The following TENM3 variants were observed in gnomAD, a reference collection of about 807,000 sequenced individuals.
TENM3 encodes teneurin transmembrane protein 3, also known as teneurin-3.
TENM3 carries 63 observed loss-of-function variants against 255.1 expected under a neutral mutation model. That is an observed-to-expected ratio of 0.25 (90% CI 0.20 to 0.30). The LOEUF is 0.30. Ranked by LOEUF, TENM3 falls within the 10% of genes least tolerant of loss-of-function variation. The pLI is 1.00. For missense variants in TENM3, 2,929 were observed against 3,461.1 expected (o/e 0.85, Z 3.86); for synonymous variants, 1,306 against 1,322.3 (o/e 0.99, Z 0.27).
the TENM3 span, among the ~76,000 whole-genome samples, chr4:181,482,555 T>C: frequency 1.1e-3 from 168 of 152,302 alleles, 1 homozygote; most frequent in African/African-American, 3.9e-3. Context: ...TCCCTAACTG[T>C]AAGGTATTGA....
the TENM3 span, chr4:181,877,183 AG>A: frequency 6.6e-6 from 1 of 152,122 alleles, no homozygotes; most frequent in South Asian, 2.1e-4. Flanking sequence ...TAGAGTTTAG[AG>A]GGGGTAAACA....
chr4:181,836,183 GCA>G, the TENM3 span, among the ~76,000 whole-genome samples: 35 of 148,940 alleles, frequency 2.3e-4, no homozygotes, highest in African/African-American at 6.7e-4. Context: ...ATACACACAT[GCA>G]CACACACACA....
At chr4:182,540,751 A>G (rs768961981) in intron 3 of TENM3, among the ~76,000 whole-genome samples, 2 of 152,188 alleles carry the variant, frequency 1.3e-5, no homozygotes, top group South Asian at 2.1e-4. Context: ...AAAAAAATAG[A>G]TGCATATACA....
the TENM3 span, among the ~76,000 whole-genome samples, chr4:181,913,856 C>A: frequency 1.3e-5 from 2 of 152,164 alleles, no homozygotes; most frequent in African/African-American, 4.8e-5. Flanking sequence ...ACAGGCTAAA[C>A]TTTGAAGAGG....
At chr4:181,921,185 T>A in the TENM3 span, among the ~76,000 whole-genome samples, 11 of 152,164 alleles carry the variant, frequency 7.2e-5, no homozygotes, top group African/African-American at 2.7e-4. Context: ...CCAGCTTTGT[T>A]CTTTTGGCTT....
At chr4:181,719,215 A>AAAATAAATAAATAAAT in the TENM3 span, among the ~76,000 whole-genome samples, 3,531 of 149,966 alleles carry the variant, frequency 0.024, 73 homozygotes, top group Middle Eastern at 0.11. Context: ...TCCGTCTCAA[A>AAAATAAATAAATAAAT]AAATAAATAA....
At chr4:182,688,538 G>A (rs1756771482) in intron 12 of TENM3, among the ~76,000 whole-genome samples, 187 bp downstream of exon 12, 1 of 152,138 alleles carries the variant, frequency 6.6e-6, no homozygotes, top group Non-Finnish European at 1.5e-5. Flanking sequence ...TAGAACAGCT[G>A]TCACAAGTAT....
the TENM3 span, among the ~76,000 whole-genome samples, chr4:181,596,618 A>T: frequency 3.9e-5 from 6 of 152,184 alleles, no homozygotes; most frequent in East Asian, 1.9e-4. Context: ...AGAACTATTT[A>T]AAAAAAATAA....
intron 1 of TENM3, among the ~76,000 whole-genome samples, chr4:182,225,316 A>G (rs575297838): frequency 1.3e-5 from 2 of 152,288 alleles, no homozygotes; most frequent in Non-Finnish European, 2.9e-5. Context: ...TCATCTAAAC[A>G]TGGAAAATAT....
chr4:182,497,229 TA>T (rs1182232702), intron 3 of TENM3, among the ~76,000 whole-genome samples: 2 of 152,038 alleles, frequency 1.3e-5, no homozygotes, highest in African/African-American at 4.8e-5. Flanking sequence ...ATTTTTTTTT[TA>T]TTTTAGTAGA....
chr4:182,507,433 A>G (rs546793111), intron 3 of TENM3, among the ~76,000 whole-genome samples: 1 of 152,184 alleles, frequency 6.6e-6, no homozygotes. Context: ...CTGTGGAGTT[A>G]CCTATTTCAA....
chr4:182,542,204 A>G (rs981510295), intron 3 of TENM3, among the ~76,000 whole-genome samples: 3 of 152,172 alleles, frequency 2.0e-5, no homozygotes, highest in Non-Finnish European at 4.4e-5. Flanking sequence ...TTGAGTGCTT[A>G]TTTTGTGCCT....
the TENM3 span, among the ~76,000 whole-genome samples, chr4:181,917,650 CT>C: frequency 6.2e-3 from 846 of 136,152 alleles, 7 homozygotes; most frequent in African/African-American, 0.019. Flanking sequence ...CCTCAGACTT[CT>C]TTTTTTTTTT....
chr4:182,589,961 A>G (rs2076791488), intron 3 of TENM3, among the ~76,000 whole-genome samples: 1 of 152,014 alleles, frequency 6.6e-6, no homozygotes, highest in Non-Finnish European at 1.5e-5. Context: ...CTGGGCAACC[A>G]AGCAAGACTC....
the TENM3 span, among the ~76,000 whole-genome samples, chr4:181,721,927 C>T: frequency 3.3e-5 from 5 of 151,918 alleles, no homozygotes; most frequent in African/African-American, 1.2e-4. Flanking sequence ...CAGTAGTGCC[C>T]GTGGGAGATG....
chr4:182,199,932 G>T (rs1303244987), intron 1 of TENM3, among the ~76,000 whole-genome samples: 1 of 151,924 alleles, frequency 6.6e-6, no homozygotes, highest in Non-Finnish European at 1.5e-5. Context: ...TCGCCATGTT[G>T]CCCAGGCTGG....
chr4:181,682,824 C>T, the TENM3 span, among the ~76,000 whole-genome samples: 1 of 151,996 alleles, frequency 6.6e-6, no homozygotes, highest in East Asian at 1.9e-4. Flanking sequence ...AAGGGAGAGG[C>T]TTCACTGGAA....
intron 1 of TENM3, among the ~76,000 whole-genome samples, chr4:182,175,236 G>A (rs1752385493): frequency 6.7e-6 from 1 of 149,818 alleles, no homozygotes; most frequent in South Asian, 2.1e-4. Context: ...TTGAATGAGT[G>A]ATACTGAACA....
At chr4:181,815,142 C>T in the TENM3 span, among the ~76,000 whole-genome samples, 6 of 151,956 alleles carry the variant, frequency 3.9e-5, no homozygotes, top group Non-Finnish European at 7.4e-5. Flanking sequence ...CAACATGCAG[C>T]TATGGCAGTC....
Sources: gnomAD v4.1 joint callset for allele counts (sites outside exome capture counted in the v4.1 genomes callset) on GRCh38, gnomAD v4.1.1 for gene constraint, MANE v1.5 for transcripts, NCBI Gene and HGNC (gene_info 2026-07-23, HGNC 2026-07-21) for gene names.